Variants in EXOC4 observed in about 807,000 individuals in gnomAD.
EXOC4 encodes the protein exocyst complex component 4, also known as SEC8-like 1.
In EXOC4, 71 loss-of-function variants were observed where a neutral mutation model predicts 107.2. The observed-to-expected ratio is 0.66, with a 90% CI of 0.55 to 0.81. The LOEUF (loss-of-function observed/expected upper bound fraction) is 0.81. Among genes scored for constraint, EXOC4 ranks in the 30% least tolerant of loss-of-function variants. The probability of loss-of-function intolerance (pLI) is 0.00; values close to 1 mark genes in which losing one functional copy is unlikely to be tolerated. For synonymous variants in EXOC4, 456 were observed against 441.2 expected (o/e 1.03, Z -0.42); for missense variants, 1,108 against 1,189.6 (o/e 0.93, Z 1.01).
chr7:133,876,230 G>C (rs937391397), intron 11 of EXOC4, among the ~76,000 whole-genome samples: 2 of 147,852 alleles, frequency 1.4e-5, no homozygotes, highest in Admixed American at 6.6e-5. Context: ...AGGTGTGTGT[G>C]TGTGTGTGTG....
At chr7:133,459,865 T>A (rs1798548715) in intron 7 of EXOC4, among the ~76,000 whole-genome samples, 1 of 152,240 alleles carries the variant, frequency 6.6e-6, no homozygotes, top group South Asian at 2.1e-4. Context: ...TATTAAAGTA[T>A]ACTTGAATCT....
the EXOC4 span, among the ~76,000 whole-genome samples, chr7:134,094,874 G>T: frequency 6.6e-6 from 1 of 151,982 alleles, no homozygotes; most frequent in South Asian, 2.1e-4. Context: ...ATGGGCAAAA[G>T]CTAAAACCAT....
Position 133,500,449 on chromosome 7 carries a change from C to T in EXOC4, c.1417+20311C>T, listed in dbSNP as rs187755093. Among the ~76,000 whole-genome samples the T allele has an allele frequency of 4.6e-5, 7 of 152,246 alleles. No homozygotes were observed. In the East Asian group the frequency reaches 7.7e-4, roughly 17 times the overall value. On this transcript the variant is annotated intron_variant, in intron 9 of 17. Coordinates refer to ENST00000253861, the MANE Select transcript of EXOC4 (RefSeq NM_021807.4). ...CCACATAATGATGTTGACATTCATC[C>T]GCAGTGTTGCATTCTTCAGTAGTTG... is the stretch of plus-strand genomic sequence containing the variant.
At position 133,962,763 on chromosome 7, in the gene EXOC4, T is replaced by C. The variant is rs572355865; in HGVS notation, c.2206+24694T>C. 2.0e-5 allele frequency among the ~76,000 whole-genome samples: 3 copies of C among 152,344 alleles called. No homozygotes were observed. The South Asian group carries it at 6.2e-4, about 32-fold the overall frequency. ...GAAACGTGAACCAAGCCATTTACGC[T>C]TCATAGGAACAGATTATATCATTTG... On this transcript the variant is annotated intron_variant, in intron 14 of 17. Coordinates refer to ENST00000253861, the MANE Select transcript of EXOC4 (RefSeq NM_021807.4).
intron 7 of EXOC4, among the ~76,000 whole-genome samples, chr7:133,389,706 C>T (rs1796808518): frequency 1.3e-5 from 2 of 151,644 alleles, no homozygotes; most frequent in South Asian, 4.2e-4. Context: ...GTAGACTATC[C>T]TTGCAGAATT....
intron 11 of EXOC4, among the ~76,000 whole-genome samples, chr7:133,889,837 GT>G (rs1345323417): frequency 3.3e-4 from 1 of 2,996 alleles, no homozygotes; most frequent in Non-Finnish European, 5.9e-4. Flanking sequence ...GGACATTTGG[GT>G]TGGTTCCAAG....
At chr7:133,710,575 G>C (rs1794866775) in intron 10 of EXOC4, among the ~76,000 whole-genome samples, 1 of 149,606 alleles carries the variant, frequency 6.7e-6, no homozygotes, top group African/African-American at 2.5e-5. Context: ...CAGGAGAATG[G>C]CGTGAACCCG....
chr7:133,962,804 A>C (rs912514283), intron 14 of EXOC4, among the ~76,000 whole-genome samples: 2 of 152,236 alleles, frequency 1.3e-5, no homozygotes, highest in African/African-American at 4.8e-5. Context: ...CTCAATAAAA[A>C]TGCAGTCTCA....
At chr7:133,817,669 A>G in intron 11 of EXOC4, 125 bp downstream of exon 11, 1 of 663,958 alleles carries the variant, frequency 1.5e-6, no homozygotes, top group Non-Finnish European at 2.5e-6. Context: ...ACAAAAGAAA[A>G]TAAATAGGCA....
chr7:133,963,626 A>G (rs559063229), intron 14 of EXOC4, among the ~76,000 whole-genome samples: 19 of 152,372 alleles, frequency 1.2e-4, no homozygotes, highest in African/African-American at 4.6e-4. Flanking sequence ...TTAGAGAGTT[A>G]TCCATGATAT....
At position 133,702,440 on chromosome 7, in the gene EXOC4, G is replaced by A. The variant is rs568923395; in HGVS notation, c.1514+72299G>A. 2.1e-4 allele frequency among the ~76,000 whole-genome samples: 26 copies of A among 125,112 alleles called. No homozygotes were observed. The South Asian group carries it at 3.0e-3, about 15-fold the overall frequency. 82.1% of individuals were successfully genotyped at this position (125,112 alleles called of 152,430 possible). A position where few individuals can be genotyped will look rare whatever the true frequency, so the allele number is the denominator to read the frequency against. On this transcript the variant is annotated intron_variant, in intron 10 of 17. Transcript: ENST00000253861. ...TACAACCTTGAAATCATGGGCTCAA[G>A]CAATTCTCTCACCTCAGCCTCTTGA...
chr7:133,942,136 C>G (rs1800444752), intron 14 of EXOC4, among the ~76,000 whole-genome samples: 1 of 152,094 alleles, frequency 6.6e-6, no homozygotes, highest in African/African-American at 2.4e-5. Context: ...GAAGGAGGCT[C>G]AAGGGCTTAT....
chr7:133,584,873 G>A (rs1801365947), intron 9 of EXOC4, among the ~76,000 whole-genome samples: 2 of 152,060 alleles, frequency 1.3e-5, no homozygotes, highest in African/African-American at 4.8e-5. Context: ...ACCGTGCCTG[G>A]TCCAGACTTT....
chr7:133,724,297 A>G (rs1795170156), intron 10 of EXOC4, among the ~76,000 whole-genome samples: 1 of 152,298 alleles, frequency 6.6e-6, no homozygotes, highest in African/African-American at 2.4e-5. Flanking sequence ...CCAAAGTTTG[A>G]TGGAGGTCAA....
chr7:133,584,301 C>G (rs1049950981), intron 9 of EXOC4, among the ~76,000 whole-genome samples: 3 of 151,922 alleles, frequency 2.0e-5, no homozygotes, highest in Non-Finnish European at 2.9e-5. Flanking sequence ...TCTTGGGGAC[C>G]CCTGCAGGTG....
At chr7:133,328,170 C>T (rs1457980537) in intron 5 of EXOC4, among the ~76,000 whole-genome samples, 3 of 151,890 alleles carry the variant, frequency 2.0e-5, no homozygotes, top group Non-Finnish European at 4.4e-5. Context: ...GAATTGATCC[C>T]TTTACCAATA....
At chr7:133,605,596 A>G (rs547070849) in intron 9 of EXOC4, among the ~76,000 whole-genome samples, 1 of 152,188 alleles carries the variant, frequency 6.6e-6, no homozygotes, top group Admixed American at 6.6e-5. Flanking sequence ...TTCCTGAAGT[A>G]AGGATGACCA....
At chr7:133,924,913 G>T (rs1321820147) in intron 13 of EXOC4, among the ~76,000 whole-genome samples, 1 of 152,164 alleles carries the variant, frequency 6.6e-6, no homozygotes, top group Non-Finnish European at 1.5e-5. Flanking sequence ...GTAACTTTTA[G>T]GTCTATTTGG....
chr7:133,296,782 G>A lies in EXOC4; in HGVS notation c.471+7666G>A, dbSNP rs1019420562. ...TCTGTTTTATTGCACTAAAGCCTAC[G>A]AGGTTCAGCAATTTCCATTTGGCTT... On this transcript the variant is annotated intron_variant, in intron 3 of 17. Transcript: ENST00000253861. Among the ~76,000 whole-genome samples, 6 of 151,886 alleles carry A rather than the reference G, an allele frequency of 4.0e-5. No individual in the cohort carries two copies. The South Asian group carries it at 8.3e-4, about 21-fold the overall frequency.
Sources: allele counts gnomAD v4.1 joint callset (sites outside exome capture counted in the v4.1 genomes callset), GRCh38; gene constraint gnomAD v4.1.1; transcripts MANE v1.5; gene names NCBI Gene and HGNC (gene_info 2026-07-23, HGNC 2026-07-21).